Variants in ACIN1 observed in about 807,000 individuals in gnomAD.
ACIN1 encodes the protein apoptotic chromatin condensation inducer 1, also known as apoptotic chromatin condensation inducer in the nucleus.
ACIN1 carries 16 observed loss-of-function variants against 146.6 expected under a neutral mutation model. The observed-to-expected ratio is 0.11, with a 90% confidence interval of 0.07 to 0.17. ACIN1 has a LOEUF of 0.17. Among genes scored for constraint, ACIN1 ranks in the 10% least tolerant of loss-of-function variants. ACIN1 has a pLI of 1.00. For synonymous variants in ACIN1, 569 were observed against 582.7 expected, an observed-to-expected ratio of 0.98 and a Z score of 0.34; for missense variants, 1,357 against 1,609.3, an observed-to-expected ratio of 0.84 and a Z score of 2.68.
chr14:23,093,639 C>G (rs2048286439), intron 1 of ACIN1, 95 bp from the exon 2 acceptor site: 1 of 986,226 alleles, frequency 1.0e-6, no homozygotes, highest in Non-Finnish European at 1.6e-6. Context: ...AACGCAATGA[C>G]TTAAATACAC....
chr14:23,077,643 T>C (rs1485964076), intron 8 of ACIN1, among the ~76,000 whole-genome samples: 1 of 152,228 alleles, frequency 6.6e-6, no homozygotes, highest in Non-Finnish European at 1.5e-5. Flanking sequence ...AGGAACTTCA[T>C]AATTTGCTGT....
At chr14:23,089,623 C>T (rs552246796) in intron 4 of ACIN1, among the ~76,000 whole-genome samples, 1 of 152,096 alleles carries the variant, frequency 6.6e-6, no homozygotes, top group Admixed American at 6.5e-5. Flanking sequence ...GTTGATTAAA[C>T]CACAGCAGAT....
In ACIN1 at chr14:23,068,181, G is replaced by A. The variant is rs923791347; in HGVS notation, c.2265+1295C>T. The A allele has an allele frequency of 2.4e-5, 24 of 985,776 alleles. No individual in the cohort carries two copies. The highest frequency in any genetic ancestry group is 4.7e-5 in the South Asian group (1 of 21,288). The allele number at this position is 985,776 out of a possible 1,614,324, so 61.1% of individuals were successfully genotyped here. On this transcript the variant is annotated intron_variant, in intron 9 of 18. Coordinates refer to ENST00000605057, the MANE Select transcript of ACIN1 (RefSeq NM_001386863.1). The surrounding 1 kb of genome is among the most constrained non-coding windows in gnomAD (Gnocchi z 4.3). ...AGACTCCTCTGCACGGTTCCTAGTC[G>A]TCACAGCTTAAGTAGAGGGTCCCAC...
intron 1 of ACIN1, chr14:23,094,426 G>C: frequency 1.0e-6 from 1 of 976,154 alleles, no homozygotes; most frequent in Non-Finnish European, 1.2e-6. Flanking sequence ...ATTGCCACTA[G>C]ATGCCACTAA....
At chr14:23,094,493 C>G (rs1321987749) in intron 1 of ACIN1, 1 of 985,164 alleles carries the variant, frequency 1.0e-6, no homozygotes, top group Non-Finnish European at 1.2e-6. Flanking sequence ...TTCATCTCAC[C>G]TCCTCATCTA....
chr14:23,069,893 T>C (rs1160976970), intron 8 of ACIN1, among the ~76,000 whole-genome samples: 1 of 152,152 alleles, frequency 6.6e-6, no homozygotes, highest in East Asian at 1.9e-4. Flanking sequence ...GGACTCCAAC[T>C]ATTCTCAGGT....
intron 4 of ACIN1, among the ~76,000 whole-genome samples, chr14:23,089,318 T>C (rs2048166703): frequency 1.3e-5 from 2 of 152,206 alleles, no homozygotes; most frequent in Admixed American, 1.3e-4. Flanking sequence ...CCTCCCAAAG[T>C]GCTGGGATTA....
At chr14:23,062,727 G>C in intron 14 of ACIN1, 4 of 774,996 alleles carry the variant, frequency 5.2e-6, no homozygotes, top group Non-Finnish European at 8.1e-6. Flanking sequence ...CCTTCTGCAA[G>C]TCCTCAAAAC....
chr14:23,071,967 G>A (rs112099135), intron 8 of ACIN1, among the ~76,000 whole-genome samples: 2 of 152,378 alleles, frequency 1.3e-5, no homozygotes, highest in African/African-American at 4.8e-5. Flanking sequence ...AAGCTGGATA[G>A]AGGGTGGGGC....
chr14:23,078,581 A>G (rs2047859920), intron 7 of ACIN1, among the ~76,000 whole-genome samples: 2 of 152,180 alleles, frequency 1.3e-5, no homozygotes, highest in South Asian at 4.1e-4. Context: ...GGCAGATAAA[A>G]GGAGGAGTTA....
At chr14:23,087,077 T>A (rs1282802619) in intron 4 of ACIN1, among the ~76,000 whole-genome samples, 1 of 152,120 alleles carries the variant, frequency 6.6e-6, no homozygotes, top group South Asian at 2.1e-4. Flanking sequence ...AAAATGTTAG[T>A]AGGAAACTTA....
At position 23,059,053 on chromosome 14, in the gene ACIN1, T is replaced by G; in HGVS notation, c.*95A>C. On this transcript the variant is annotated 3_prime_UTR_variant, in exon 19 of 19. Transcript: ENST00000605057. ...TAGGGATAGGTGATGTGAAAGACCC[T>G]TGGCTCCAGGGTGGTGGAGACTGTG... The G allele has an allele frequency of 8.1e-7, 1 of 1,230,530 alleles. No homozygotes were observed. The highest frequency in any genetic ancestry group is 1.2e-6 in the Non-Finnish European group (1 of 866,022). The allele number at this position is 1,230,530 out of a possible 1,614,324, so 76.2% of individuals were successfully genotyped here. A position where few individuals can be genotyped will look rare whatever the true frequency, so the allele number is the denominator to read the frequency against.
upstream of ACIN1, chr14:23,095,320 G>A (rs369074292): frequency 5.7e-6 from 9 of 1,565,246 alleles, no homozygotes; most frequent in South Asian, 2.3e-5. Flanking sequence ...CCGCCCTGCA[G>A]CGCCCCTTTT....
chr14:23,069,231 A>G (rs2047552437), intron 9 of ACIN1: 19 of 1,202,854 alleles, frequency 1.6e-5, no homozygotes, highest in Non-Finnish European at 1.8e-5. Flanking sequence ...CGTTAGTTAC[A>G]AACGTCTAGA....
upstream of ACIN1, chr14:23,095,323 C>A (rs1215572716): frequency 1.3e-6 from 2 of 1,559,976 alleles, no homozygotes; most frequent in Non-Finnish European, 1.7e-6. Flanking sequence ...CCCTGCAGCG[C>A]CCCTTTTCTC....
intron 8 of ACIN1, among the ~76,000 whole-genome samples, chr14:23,071,993 T>C (rs1026295152): frequency 6.6e-6 from 1 of 152,222 alleles, no homozygotes; most frequent in Non-Finnish European, 1.5e-5. Context: ...CAATGTTTTA[T>C]GTGCCTACCA....
chr14:23,070,709 C>T (rs190072476), intron 8 of ACIN1, among the ~76,000 whole-genome samples: 2 of 152,140 alleles, frequency 1.3e-5, no homozygotes, highest in East Asian at 1.9e-4. Context: ...GAGGGGAAAC[C>T]AAGCCTCCCA....
intron 4 of ACIN1, among the ~76,000 whole-genome samples, chr14:23,087,154 A>G (rs1055284897): frequency 2.6e-5 from 4 of 152,240 alleles, no homozygotes; most frequent in African/African-American, 9.6e-5. Flanking sequence ...TGCCATTGCA[A>G]TGGCATACTG....
rs376449746 is a variant in ACIN1, at chr14:23,078,287, C to T, written c.2008-21G>A. The stretch of plus-strand genomic sequence containing the variant: ...CTCCCCTGTCAGGAGATAGCAAAAA[C>T]GAACAGAGCAAAACATTTAGATCTG... On this transcript the variant is annotated intron_variant, in intron 7 of 18. Transcript: ENST00000605057. 2.1e-5 allele frequency: 34 copies of T among 1,607,700 alleles called. No individual in the cohort carries two copies. The African/African-American group carries it at 4.0e-4, about 19-fold the overall frequency.
Sources: allele counts gnomAD v4.1 joint callset (sites outside exome capture counted in the v4.1 genomes callset), GRCh38; gene constraint gnomAD v4.1.1; non-coding constraint Gnocchi (gnomAD v3.1); transcripts MANE v1.5; gene names NCBI Gene and HGNC (gene_info 2026-07-23, HGNC 2026-07-21).